The following CARMIL1 variants were observed in gnomAD, a reference collection of about 807,000 sequenced individuals.
CARMIL1 encodes the protein capping protein regulator and myosin 1 linker 1.
CARMIL1 carries 90 observed loss-of-function variants against 177.1 expected under a neutral mutation model. The ratio of observed to expected loss-of-function variants is 0.51; its 90% CI spans 0.43 to 0.61. The LOEUF (loss-of-function observed/expected upper bound fraction) is 0.61, where lower values mean the gene tolerates loss of function less well. Among genes scored for constraint, CARMIL1 ranks in the 20% least tolerant of loss-of-function variants. The pLI is 0.00. For missense variants in CARMIL1, 1,380 were observed against 1,667.0 expected, an observed-to-expected ratio of 0.83 and a Z score of 3.00; for synonymous variants, 577 against 606.2, an observed-to-expected ratio of 0.95 and a Z score of 0.71.
intron 2 of CARMIL1, among the ~76,000 whole-genome samples, chr6:25,344,766 C>T (rs1360991183): frequency 1.3e-5 from 2 of 152,156 alleles, no homozygotes; most frequent in Admixed American, 6.5e-5. Flanking sequence ...TGCGTCTGTG[C>T]CCATGCTCCC....
intron 2 of CARMIL1, among the ~76,000 whole-genome samples, chr6:25,388,798 G>A (rs1792444701): frequency 6.6e-6 from 1 of 152,030 alleles, no homozygotes; most frequent in Non-Finnish European, 1.5e-5. Context: ...GCCTCTCAAA[G>A]TGTAGCAGCT....
At chr6:25,439,895 C>T (rs1165409812) in intron 5 of CARMIL1, among the ~76,000 whole-genome samples, 1 of 151,970 alleles carries the variant, frequency 6.6e-6, no homozygotes, top group Admixed American at 6.6e-5. Flanking sequence ...GGGGAGTGAT[C>T]AGTAGAAAGA....
At chr6:25,570,115 C>T (rs1431927897) in intron 29 of CARMIL1, among the ~76,000 whole-genome samples, 2 of 152,180 alleles carry the variant, frequency 1.3e-5, no homozygotes, top group East Asian at 3.9e-4. Context: ...CAGGCGCCCG[C>T]CACCAAGCCC....
intron 28 of CARMIL1, 58 bp from the exon 29 acceptor site, chr6:25,556,643 G>C: frequency 2.0e-6 from 3 of 1,530,700 alleles, no homozygotes; most frequent in Non-Finnish European, 1.8e-6. Context: ...CAGGAATCCT[G>C]CTAACCAGCA....
Position 25,537,924 on chromosome 6 carries a change from A to G in CARMIL1, c.2137A>G (p.Ile713Val), listed in dbSNP as rs775389501. The change falls in exon 25 of 37, where the codon ATC becomes GTC. Residue 713 changes from isoleucine to valine, a missense_variant. Coordinates refer to ENST00000329474, the MANE Select transcript of CARMIL1 (RefSeq NM_017640.6). Reference sequence around the variant, plus strand: ...CTTACGAAATTGTGGGGGAGACGCTATCCAGGAAGATTTAAAATCAGCAGA... The same window carrying G: ...CTTACGAAATTGTGGGGGAGACGCTGTCCAGGAAGATTTAAAATCAGCAGA... Reference protein sequence around the residue: ...NSLRNCGGDAIQEDLKSAERL... With the variant: ...NSLRNCGGDAVQEDLKSAERL... 13 of 1,606,960 alleles carry G rather than the reference A, an allele frequency of 8.1e-6. No individual in the cohort carries two copies. The highest frequency in any genetic ancestry group is 4.5e-5 in the East Asian group (2 of 44,780).
chr6:25,442,185 C>A (rs1797833821), intron 5 of CARMIL1, among the ~76,000 whole-genome samples: 1 of 150,874 alleles, frequency 6.6e-6, no homozygotes, highest in Non-Finnish European at 1.5e-5. Context: ...TTAAAATAAT[C>A]TATAATTTTT....
intron 31 of CARMIL1, among the ~76,000 whole-genome samples, chr6:25,584,259 C>T (rs998720955): frequency 6.6e-6 from 1 of 150,460 alleles, no homozygotes; most frequent in South Asian, 2.2e-4. Context: ...AGGCTAATCT[C>T]GGAACTCCTA....
At chr6:25,306,001 G>C (rs1308134433) in intron 2 of CARMIL1, among the ~76,000 whole-genome samples, 6 of 152,090 alleles carry the variant, frequency 3.9e-5, no homozygotes, top group Admixed American at 3.9e-4. Flanking sequence ...GCGGCATGAA[G>C]TATATTCTCA....
At chr6:25,434,406 C>T (rs1409149234) in intron 4 of CARMIL1, among the ~76,000 whole-genome samples, 1 of 151,846 alleles carries the variant, frequency 6.6e-6, no homozygotes, top group Non-Finnish European at 1.5e-5. Flanking sequence ...ACATCTCCAG[C>T]AATTAATTAT....
At position 25,600,424 on chromosome 6, in the gene CARMIL1, G is replaced by T; in HGVS notation, c.3230G>T (p.Arg1077Leu). ...SSGFLNLIKSRSKSERPPTIL... is the reference protein window; with the variant it reads ...SSGFLNLIKSLSKSERPPTIL... ...GGCTTTCTCAATTTAATCAAATCCCGGTCCAAATCCGAGCGACCACCAACG... is the reference window on the plus strand; with the variant it reads ...GGCTTTCTCAATTTAATCAAATCCCTGTCCAAATCCGAGCGACCACCAACG... The change falls in exon 33 of 37, where the codon CGG (arginine) becomes CTG (leucine). Residue 1077 changes from arginine (R) to leucine (L), a missense_variant. Physicochemically the swap from Arg to Leu is moderately radical, Grantham distance 102. Transcript: ENST00000329474. 6.2e-7 allele frequency: 1 copy of T among 1,613,812 alleles called. No homozygotes were observed.
chr6:25,604,958 T>A (rs185665531), intron 34 of CARMIL1, 65 bp downstream of exon 34: 65 of 1,328,952 alleles, frequency 4.9e-5, no homozygotes, highest in Admixed American at 6.9e-5. Context: ...CAGAGTCACA[T>A]GATTGACAGA....
chr6:25,380,948 T>C (rs1457492508), intron 2 of CARMIL1, among the ~76,000 whole-genome samples: 2 of 152,244 alleles, frequency 1.3e-5, no homozygotes, highest in Non-Finnish European at 2.9e-5. Context: ...TCTTTTTTTC[T>C]CTTTCTACTA....
Position 25,284,879 on chromosome 6 carries a change from T to TC in CARMIL1, c.108_109insC (p.Lys37GlnfsTer6). The TC allele has an allele frequency of 6.4e-7, 1 of 1,571,044 alleles. No individual in the cohort carries two copies. On this transcript the variant is annotated frameshift_variant, in exon 2 of 37. Coordinates refer to ENST00000329474, the MANE Select transcript of CARMIL1 (RefSeq NM_017640.6). LOFTEE classifies it high-confidence loss of function. ...TGAAGAAGAAAGTAAAGTTGGAAGT[T>TC]AAGGGAGACAAAGTTGAAAACAAAG...
At chr6:25,550,718 C>T (rs1810002883) in intron 26 of CARMIL1, among the ~76,000 whole-genome samples, 192 bp from the exon 27 acceptor site, 1 of 152,094 alleles carries the variant, frequency 6.6e-6, no homozygotes, top group African/African-American at 2.4e-5. Flanking sequence ...AAAGTGATTA[C>T]CAGAGATCAA....
At chr6:25,491,836 G>A in intron 14 of CARMIL1, 27 bp downstream of exon 14, 1 of 1,527,086 alleles carries the variant, frequency 6.5e-7, no homozygotes, top group Non-Finnish European at 9.0e-7. Context: ...TATATATCTT[G>A]CTCTGAGGGG....
chr6:25,571,457 A>T (rs564489592), intron 29 of CARMIL1, among the ~76,000 whole-genome samples: 1 of 152,238 alleles, frequency 6.6e-6, no homozygotes, highest in Non-Finnish European at 1.5e-5. Flanking sequence ...GTAGAAAGTT[A>T]TAATTTTGCA....
At chr6:25,486,749 G>T (rs1582117665) in intron 12 of CARMIL1, among the ~76,000 whole-genome samples, 4 of 152,066 alleles carry the variant, frequency 2.6e-5, no homozygotes, top group Admixed American at 1.3e-4. Context: ...TTGCCTCACT[G>T]GGTAGTGATT....
chr6:25,606,319 C>T (rs1243080186), intron 35 of CARMIL1, 46 bp downstream of exon 35: 3 of 1,566,046 alleles, frequency 1.9e-6, no homozygotes, highest in Non-Finnish European at 8.7e-7. Flanking sequence ...CAGGTGGCTT[C>T]CCAGAGCCAG....
At chr6:25,353,344 T>C (rs1465987480) in intron 2 of CARMIL1, among the ~76,000 whole-genome samples, 1 of 152,154 alleles carries the variant, frequency 6.6e-6, no homozygotes, top group African/African-American at 2.4e-5. Flanking sequence ...GCAGACAGGG[T>C]AAATGCTGTC....
Sources: allele counts gnomAD v4.1 joint callset (sites outside exome capture counted in the v4.1 genomes callset), GRCh38; gene constraint gnomAD v4.1.1; transcripts MANE v1.5; gene names NCBI Gene and HGNC (gene_info 2026-07-23, HGNC 2026-07-21).